Variants in TRIM71 observed in about 807,000 individuals in gnomAD.
TRIM71 encodes E3 ubiquitin-protein ligase TRIM71.
In TRIM71, 9 loss-of-function variants were observed where a neutral mutation model predicts 61.2. The ratio of observed to expected loss-of-function variants is 0.15; its 90% CI spans 0.09 to 0.26. The LOEUF is 0.26. Ranked by LOEUF, TRIM71 falls within the 10% of genes least tolerant of loss-of-function variation. The probability of loss-of-function intolerance (pLI) is 1.00; values close to 1 mark genes in which losing one functional copy is unlikely to be tolerated. For synonymous variants in TRIM71, 645 were observed against 553.2 expected (o/e 1.17, Z -2.33); for missense variants, 998 against 1,238.7 (o/e 0.81, Z 2.92).
At chr3:32,850,046 C>T (rs989450987) in intron 1 of TRIM71, among the ~76,000 whole-genome samples, 12 of 152,294 alleles carry the variant, frequency 7.9e-5, no homozygotes, top group African/African-American at 2.6e-4. Flanking sequence ...CAAAACCCCA[C>T]GCATCTGGAT....
At chr3:32,869,215 C>T (rs1037649285) in intron 1 of TRIM71, among the ~76,000 whole-genome samples, 1 of 152,132 alleles carries the variant, frequency 6.6e-6, no homozygotes, top group African/African-American at 2.4e-5. Context: ...ACTCAGAAAC[C>T]CTCTTGGGTG....
intron 1 of TRIM71, among the ~76,000 whole-genome samples, chr3:32,846,036 T>C (rs545480935): frequency 6.6e-6 from 1 of 151,906 alleles, no homozygotes; most frequent in South Asian, 2.1e-4. Context: ...CATTTATTTA[T>C]TATGTTTTTG....
chr3:32,889,637 G>A (rs1697001621), intron 3 of TRIM71, among the ~76,000 whole-genome samples: 1 of 150,702 alleles, frequency 6.6e-6, no homozygotes, highest in Non-Finnish European at 1.5e-5. Context: ...TCCCTAGGTT[G>A]GAGTGCAATG....
rs1307349773 is a variant in TRIM71, at chr3:32,897,792, GT to G, written c.*5984del. 1.3e-5 allele frequency: 2 copies of G among 152,064 alleles called. No homozygotes were observed. Among genetic ancestry groups the G allele is most frequent in the Non-Finnish European group, 2.9e-5 (2 of 68,022 alleles). 9.4% of individuals were successfully genotyped at this position (152,064 alleles called of 1,614,324 possible). ...TTCCTATGCAGCTTATTTTATTTTT[GT>G]TTAATCAAATAAACGAGGGTTTTTC... On this transcript the variant is annotated 3_prime_UTR_variant, in exon 4 of 4. Coordinates refer to ENST00000383763, the MANE Select transcript of TRIM71 (RefSeq NM_001039111.3).
chr3:32,842,314 G>A (rs1024071439), intron 1 of TRIM71, among the ~76,000 whole-genome samples: 4 of 152,160 alleles, frequency 2.6e-5, no homozygotes, highest in African/African-American at 9.7e-5. Flanking sequence ...GTCCCATCCC[G>A]CATGCTGCTC....
At chr3:32,889,370 T>TA (rs1371923449) in intron 3 of TRIM71, among the ~76,000 whole-genome samples, 1 of 152,126 alleles carries the variant, frequency 6.6e-6, no homozygotes, top group Non-Finnish European at 1.5e-5. Flanking sequence ...CTCAGCCTCC[T>TA]AGGCTCAAGT....
At chr3:32,826,210 G>T (rs1468062768) in intron 1 of TRIM71, among the ~76,000 whole-genome samples, 1 of 152,160 alleles carries the variant, frequency 6.6e-6, no homozygotes, top group East Asian at 1.9e-4. Flanking sequence ...TGCAATCCCA[G>T]CACTTTGGGA....
intron 1 of TRIM71, among the ~76,000 whole-genome samples, chr3:32,873,036 A>T (rs1696812601): frequency 6.7e-6 from 1 of 150,236 alleles, no homozygotes; most frequent in East Asian, 2.0e-4. Flanking sequence ...ATTAGCAGGT[A>T]AAGGTTGTGC....
At chr3:32,841,334 A>G (rs958271848) in intron 1 of TRIM71, among the ~76,000 whole-genome samples, 4 of 152,032 alleles carry the variant, frequency 2.6e-5, no homozygotes, top group African/African-American at 9.7e-5. Flanking sequence ...GTGTGATATT[A>G]TACTATTGTT....
At chr3:32,879,511 A>G (rs1696885019) in intron 2 of TRIM71, among the ~76,000 whole-genome samples, 1 of 152,174 alleles carries the variant, frequency 6.6e-6, no homozygotes, top group Admixed American at 6.5e-5. Flanking sequence ...ATTAACACCA[A>G]AGATCACTTG....
intron 1 of TRIM71, among the ~76,000 whole-genome samples, chr3:32,850,929 G>A (rs1252088231): frequency 6.6e-6 from 1 of 152,158 alleles, no homozygotes; most frequent in Admixed American, 6.5e-5. Context: ...GACATCCTGA[G>A]GTGCAGGTTG....
chr3:32,891,697 T>C lies in TRIM71; in HGVS notation c.2493T>C (p.Phe831=). ...FESNGSFLCK[F]GAQGSGFGQM... The stretch of plus-strand genomic sequence containing the variant: ...CCAACGGCAGCTTCCTGTGCAAGTT[T>C]GGTGCTCAAGGCAGCGGCTTTGGGC... The change falls in exon 4 of 4, where the codon TTT becomes TTC. Residue 831 remains phenylalanine, a synonymous_variant. Coordinates refer to ENST00000383763, the MANE Select transcript of TRIM71 (RefSeq NM_001039111.3). The surrounding 1 kb of genome is among the most constrained non-coding windows in gnomAD (Gnocchi z 8.2). 6.2e-7 allele frequency: 1 copy of C among 1,614,114 alleles called. No individual in the cohort carries two copies. The highest frequency in any genetic ancestry group is 8.5e-7 in the Non-Finnish European group (1 of 1,180,012).
chr3:32,881,693 T>C (rs1265101487), intron 2 of TRIM71, among the ~76,000 whole-genome samples: 1 of 152,222 alleles, frequency 6.6e-6, no homozygotes, highest in South Asian at 2.1e-4. Flanking sequence ...GAAATGTATA[T>C]ATCTGTTTTG....
chr3:32,871,866 G>A (rs1215029455), intron 1 of TRIM71, among the ~76,000 whole-genome samples: 3 of 152,200 alleles, frequency 2.0e-5, no homozygotes, highest in African/African-American at 7.2e-5. Flanking sequence ...GATCTGGGCC[G>A]GGTGCGTTGG....
At chr3:32,823,564 GA>G (rs1352914738) in intron 1 of TRIM71, among the ~76,000 whole-genome samples, 4 of 152,152 alleles carry the variant, frequency 2.6e-5, no homozygotes, top group African/African-American at 9.6e-5. Context: ...GATATTTGGG[GA>G]AAAAAACGTT....
chr3:32,888,928 T>C (rs1176798465), intron 3 of TRIM71, among the ~76,000 whole-genome samples: 1 of 152,200 alleles, frequency 6.6e-6, no homozygotes, highest in Non-Finnish European at 1.5e-5. Flanking sequence ...CTTTGCTGTT[T>C]CCTTTGCTGA....
chr3:32,818,013 C>T lies in TRIM71; in HGVS notation c.-68C>T. On this transcript the variant is annotated 5_prime_UTR_variant, in exon 1 of 4. Coordinates refer to ENST00000383763, the MANE Select transcript of TRIM71 (RefSeq NM_001039111.3). ...GAGTCGGTGACTCCCCCACCCACCT[C>T]GTCCGCTCTCTCCTCCTCCTCCTCC... 1.4e-6 allele frequency: 2 copies of T among 1,474,362 alleles called. No homozygotes were observed. The highest frequency in any genetic ancestry group is 1.9e-6 in the Non-Finnish European group (2 of 1,067,310). 91.3% of individuals were successfully genotyped at this position (1,474,362 alleles called of 1,614,324 possible).
chr3:32,819,757 C>T (rs1397408777), intron 1 of TRIM71, among the ~76,000 whole-genome samples: 2 of 152,142 alleles, frequency 1.3e-5, no homozygotes, highest in African/African-American at 4.8e-5. Context: ...GCCCGCCTGC[C>T]CCGACTCCAA....
At chr3:32,845,573 C>A (rs1321764751) in intron 1 of TRIM71, among the ~76,000 whole-genome samples, 1 of 152,122 alleles carries the variant, frequency 6.6e-6, no homozygotes, top group African/African-American at 2.4e-5. Context: ...ACTCAGTGGT[C>A]ACTAGGTAAA....
Sources: gnomAD v4.1 joint callset for allele counts (sites outside exome capture counted in the v4.1 genomes callset) on GRCh38, gnomAD v4.1.1 for gene constraint, Gnocchi (gnomAD v3.1) non-coding constraint, MANE v1.5 for transcripts, NCBI Gene and HGNC (gene_info 2026-07-23, HGNC 2026-07-21) for gene names.